Variants in SLC5A4 observed in about 807,000 individuals in gnomAD.
The protein encoded by SLC5A4 is probable glucose sensor protein SLC5A4.
SLC5A4 carries 55 observed loss-of-function variants against 70.3 expected under a neutral mutation model. The ratio of observed to expected loss-of-function variants is 0.78; its 90% CI spans 0.63 to 0.98. The LOEUF (loss-of-function observed/expected upper bound fraction) is 0.98. Ranked by LOEUF, SLC5A4 falls within the 50% of genes least tolerant of loss-of-function variation. The pLI is 0.00. For synonymous variants in SLC5A4, 268 were observed against 305.7 expected, an observed-to-expected ratio of 0.88 and a Z score of 1.29; for missense variants, 735 against 839.2, an observed-to-expected ratio of 0.88 and a Z score of 1.53.
the SLC5A4 span, among the ~76,000 whole-genome samples, chr22:32,307,733 A>G: frequency 1.1e-4 from 16 of 152,186 alleles, no homozygotes; most frequent in African/African-American, 3.9e-4. Context: ...GTACATAGTA[A>G]GTGCACAGGC....
the SLC5A4 span, chr22:32,276,806 T>G: frequency 4.6e-5 from 7 of 152,180 alleles, no homozygotes; most frequent in African/African-American, 7.2e-5. Flanking sequence ...TCTTTCAAGA[T>G]ATTCCTTTTA....
intron 7 of SLC5A4, 119 bp downstream of exon 7, chr22:32,237,125 G>A: frequency 1.4e-6 from 1 of 723,890 alleles, no homozygotes; most frequent in Non-Finnish European, 2.5e-6. Context: ...TTATGTAAAT[G>A]ACTGGAAAGT....
At chr22:32,316,107 T>G in the SLC5A4 span, among the ~76,000 whole-genome samples, 1 of 65,230 alleles carries the variant, frequency 1.5e-5, no homozygotes, top group Admixed American at 1.7e-4. Context: ...AGACTCTGTC[T>G]GAAAAAAAAA....
chr22:32,325,540 A>G, the SLC5A4 span, among the ~76,000 whole-genome samples: 1 of 152,216 alleles, frequency 6.6e-6, no homozygotes, highest in African/African-American at 2.4e-5. Flanking sequence ...GTGAGTATGG[A>G]GAGGCAGCAG....
the SLC5A4 span, among the ~76,000 whole-genome samples, chr22:32,323,178 C>T: frequency 1.3e-5 from 2 of 152,192 alleles, no homozygotes; most frequent in Non-Finnish European, 2.9e-5. Context: ...TTAGCTCTGT[C>T]CACCATGGCG....
the SLC5A4 span, among the ~76,000 whole-genome samples, chr22:32,326,556 C>A: frequency 6.6e-6 from 1 of 152,002 alleles, no homozygotes; most frequent in African/African-American, 2.4e-5. Flanking sequence ...TGCCCGGCCA[C>A]CTTCATAAAT....
At chr22:32,328,239 A>G in the SLC5A4 span, among the ~76,000 whole-genome samples, 1 of 152,172 alleles carries the variant, frequency 6.6e-6, no homozygotes, top group Non-Finnish European at 1.5e-5. Flanking sequence ...TTCTACATTG[A>G]GGCCTGTGGT....
chr22:32,257,477 C>T (rs539118720), upstream of SLC5A4, among the ~76,000 whole-genome samples: 1 of 152,170 alleles, frequency 6.6e-6, no homozygotes, highest in East Asian at 1.9e-4. Context: ...ATCTCAGCCT[C>T]CACCATAGCT....
chr22:32,294,791 T>C, the SLC5A4 span, among the ~76,000 whole-genome samples: 1 of 113,628 alleles, frequency 8.8e-6, no homozygotes, highest in Non-Finnish European at 1.9e-5. Context: ...ATTAGGTATA[T>C]CTCCTGATGC....
chr22:32,218,958 G>A lies in SLC5A4; in HGVS notation c.1769-233C>T, dbSNP rs546400141. ...AAATGACAAAATGGGGGAAACGTTCGCATATTCTATTACAAAGGGTTTAAT... is the reference window on the plus strand; with the variant it reads ...AAATGACAAAATGGGGGAAACGTTCACATATTCTATTACAAAGGGTTTAAT... On this transcript the variant is annotated intron_variant, in intron 14 of 14. Coordinates refer to ENST00000266086, the MANE Select transcript of SLC5A4 (RefSeq NM_014227.3). Among the ~76,000 whole-genome samples the A allele has an allele frequency of 1.4e-3, 207 of 152,202 alleles. 1 individual carries two copies. Among genetic ancestry groups the A allele is most frequent in the Middle Eastern group, 3.4e-3 (1 of 294 alleles).
chr22:32,260,901 C>T, the SLC5A4 span, among the ~76,000 whole-genome samples: 22 of 152,076 alleles, frequency 1.4e-4, no homozygotes, highest in Non-Finnish European at 2.5e-4. Flanking sequence ...GGTGAAACCC[C>T]GTCTCTGCTA....
At chr22:32,333,864 A>T in the SLC5A4 span, among the ~76,000 whole-genome samples, 1 of 149,906 alleles carries the variant, frequency 6.7e-6, no homozygotes, top group Non-Finnish European at 1.5e-5. Context: ...CACACCACAG[A>T]CACCCACAAT....
At chr22:32,310,917 C>A in the SLC5A4 span, among the ~76,000 whole-genome samples, 17,753 of 152,260 alleles carry the variant, frequency 0.12, 1,392 homozygotes, top group Non-Finnish European at 0.18. Flanking sequence ...GCACTCTTGC[C>A]CTCATCTCCT....
chr22:32,303,530 CCTTTGTG>C, the SLC5A4 span, among the ~76,000 whole-genome samples: 6 of 152,156 alleles, frequency 3.9e-5, no homozygotes, highest in African/African-American at 1.4e-4. Flanking sequence ...TTCTGTCTGT[CCTTTGTG>C]CACAAGGAAT....
At position 32,239,518 on chromosome 22, in the gene SLC5A4, TTATATATATATATATA is replaced by T. The variant is rs1173210993; in HGVS notation, c.478-444_478-429del. 5.9e-4 allele frequency among the ~76,000 whole-genome samples: 15 copies of T among 25,228 alleles called. No homozygotes were observed. In the Admixed American group the frequency reaches 6.2e-3, roughly 10 times the overall value. The allele number at this position is 25,228 out of a possible 152,430, so 16.6% of individuals were successfully genotyped here. On this transcript the variant is annotated intron_variant, in intron 5 of 14. Transcript: ENST00000266086. ...CTGCACTCCAGCCTGGGAGTGCATA[TTATATATATATATATA>T]TATATATATATATATATATATATAT...
At chr22:32,239,572 A>ATATATATATATATT (rs1926361609) in intron 5 of SLC5A4, among the ~76,000 whole-genome samples, 2 of 24,120 alleles carry the variant, frequency 8.3e-5, no homozygotes, top group East Asian at 5.8e-4. Flanking sequence ...ATATATATTT[A>ATATATATATATATT]TATATATATT....
the SLC5A4 span, among the ~76,000 whole-genome samples, chr22:32,304,137 TTTC>T: frequency 1.3e-5 from 2 of 151,896 alleles, no homozygotes; most frequent in Non-Finnish European, 1.5e-5. Context: ...TTCCTTTTCC[TTTC>T]TTTTTTTTGA....
chr22:32,310,565 CTAAT>C, the SLC5A4 span, among the ~76,000 whole-genome samples: 22 of 152,114 alleles, frequency 1.4e-4, no homozygotes, highest in Admixed American at 1.4e-3. Context: ...ATGCCTTTCT[CTAAT>C]TGAGACCCCC....
At chr22:32,250,860 GA>G (rs1927098543) in intron 3 of SLC5A4, among the ~76,000 whole-genome samples, 1 of 151,904 alleles carries the variant, frequency 6.6e-6, no homozygotes, top group African/African-American at 2.4e-5. Flanking sequence ...CCAGGAACAG[GA>G]AATCAAACAC....
Sources: gnomAD v4.1 joint callset for allele counts (sites outside exome capture counted in the v4.1 genomes callset) on GRCh38, gnomAD v4.1.1 for gene constraint, MANE v1.5 for transcripts, NCBI Gene and HGNC (gene_info 2026-07-23, HGNC 2026-07-21) for gene names.